COL24A1: variants seen among roughly 807,000 people sequenced by gnomAD.
The protein encoded by COL24A1 is collagen type XXIV alpha 1 chain.
In COL24A1, 224 loss-of-function variants were observed where a neutral mutation model predicts 253.9. The ratio of observed to expected loss-of-function variants is 0.88; its 90% CI spans 0.79 to 0.99. COL24A1 has a LOEUF of 0.99. COL24A1 is among the 50% of genes least tolerant of loss of function. The pLI, the probability that COL24A1 is intolerant of heterozygous loss-of-function variation, is 0.00. For missense variants in COL24A1, 2,131 were observed against 2,068.5 expected (o/e 1.03, Z -0.59); for synonymous variants, 685 against 673.7 (o/e 1.02, Z -0.26).
chr1:85,838,577 G>T lies in COL24A1; in HGVS notation c.3681+8C>A. ...AATTCATTAGTAAGGGGTATAACTT[G>T]CAATTACCTTATATCCCTCTGCTCC... On this transcript the variant is annotated splice_region_variant and intron_variant, in intron 43 of 59. Coordinates refer to ENST00000370571, the MANE Select transcript of COL24A1 (RefSeq NM_152890.7). 6.2e-7 allele frequency: 1 copy of T among 1,612,530 alleles called. No individual in the cohort carries two copies. The highest frequency in any genetic ancestry group is 8.5e-7 in the Non-Finnish European group (1 of 1,178,618).
intron 24 of COL24A1, among the ~76,000 whole-genome samples, chr1:85,944,760 CA>C (rs1689095606): frequency 1.3e-5 from 2 of 151,992 alleles, no homozygotes; most frequent in African/African-American, 4.8e-5. Context: ...TCCCCGACCC[CA>C]CAACAGTCCC....
chr1:85,920,210 G>A (rs1686310980), intron 24 of COL24A1, among the ~76,000 whole-genome samples: 1 of 152,194 alleles, frequency 6.6e-6, no homozygotes. Flanking sequence ...CTAACACAAA[G>A]GCAGAAGAGA....
intron 4 of COL24A1, 52 bp downstream of exon 4, chr1:86,115,273 T>C (rs775590292): frequency 1.3e-6 from 2 of 1,576,514 alleles, no homozygotes; most frequent in Non-Finnish European, 1.7e-6. Flanking sequence ...AAAAACATGT[T>C]AGAAAGTTAC....
chr1:86,033,761 T>G (rs1311423855), intron 13 of COL24A1, 109 bp downstream of exon 13: 1 of 1,015,752 alleles, frequency 9.8e-7, no homozygotes, highest in Non-Finnish European at 1.4e-6. Context: ...GTGGAGATTG[T>G]TTTTCCAATA....
At chr1:86,042,252 A>G (rs1157518557) in intron 12 of COL24A1, among the ~76,000 whole-genome samples, 1 of 152,198 alleles carries the variant, frequency 6.6e-6, no homozygotes, top group Non-Finnish European at 1.5e-5. Context: ...TGCCAACAGT[A>G]TAAGACCAAG....
At chr1:85,783,425 T>C in intron 51 of COL24A1, 71 bp downstream of exon 51, 1 of 1,257,834 alleles carries the variant, frequency 8.0e-7, no homozygotes, top group Non-Finnish European at 1.1e-6. Flanking sequence ...GTACATTACA[T>C]TTAGAGCTCT....
rs186774541 is a variant in COL24A1 at position 85,839,426 on chromosome 1, G to A, written c.3628-788C>T. On this transcript the variant is annotated intron_variant, in intron 42 of 59. Transcript: ENST00000370571. ...TAAATCCTACTTTACCATTCTTCAT[G>A]AGAAAGTCTACTGTTGGCTGGGTGT... is the stretch of plus-strand genomic sequence containing the variant. 1.4e-3 allele frequency among the ~76,000 whole-genome samples: 216 copies of A among 151,900 alleles called. 2 individuals are homozygous for A. Among genetic ancestry groups the A allele is most frequent in the African/African-American group, 4.8e-3 (197 of 41,436 alleles).
rs778866978 is a variant in COL24A1 at position 86,050,193 on chromosome 1, T to C, written c.1852-16A>G. ...CAATAAAACCCTTAAAACAAGAAAA[T>C]AGTCTGTATATTAGTTCATTTGAAT... On this transcript the variant is annotated splice_polypyrimidine_tract_variant and intron_variant, in intron 10 of 59. Transcript: ENST00000370571. 4 of 1,608,378 alleles carry C rather than the reference T, an allele frequency of 2.5e-6. No homozygotes were observed. Among genetic ancestry groups the C allele is most frequent in the South Asian group, 2.2e-5 (2 of 90,938 alleles).
intron 56 of COL24A1, among the ~76,000 whole-genome samples, chr1:85,745,105 TAG>T (rs561980052): frequency 4.7e-4 from 71 of 152,188 alleles, no homozygotes; most frequent in Admixed American, 1.5e-3. Context: ...ATTGAATCAT[TAG>T]AGTTTAAATA....
At chr1:85,741,661 G>A (rs1664657992) in intron 57 of COL24A1, among the ~76,000 whole-genome samples, 1 of 152,122 alleles carries the variant, frequency 6.6e-6, no homozygotes, top group Admixed American at 6.5e-5. Flanking sequence ...CAAATGTTGG[G>A]TTCACTTTCT....
At chr1:85,807,959 T>A (rs1449267707) in intron 47 of COL24A1, among the ~76,000 whole-genome samples, 1 of 152,202 alleles carries the variant, frequency 6.6e-6, no homozygotes, top group Non-Finnish European at 1.5e-5. Context: ...GGAGTTTTCA[T>A]CCAATTCCAT....
rs569964053 is a variant in COL24A1, at chr1:86,156,174, T to C, written c.56+167A>G. The C allele has an allele frequency of 6.0e-5, 36 of 597,914 alleles. 1 individual carries two copies. In the South Asian group the frequency reaches 7.9e-4, roughly 13 times the overall value. 37.0% of individuals were successfully genotyped at this position (597,914 alleles called of 1,614,324 possible). On this transcript the variant is annotated intron_variant, in intron 1 of 59. Coordinates refer to ENST00000370571, the MANE Select transcript of COL24A1 (RefSeq NM_152890.7). The stretch of plus-strand genomic sequence containing the variant: ...GAGGCATCCTTTCAAACACGGTATT[T>C]TGCAAGCTGAGAAGACAAGGGGAAG...
intron 19 of COL24A1, among the ~76,000 whole-genome samples, chr1:86,016,868 G>T (rs985118086): frequency 4.6e-5 from 7 of 152,134 alleles, no homozygotes; most frequent in Admixed American, 2.6e-4. Flanking sequence ...CTGAAATTTG[G>T]TTCCAAGCCT....
At chr1:85,895,941 T>A in intron 30 of COL24A1, 39 bp from the exon 31 acceptor site, 1 of 1,602,562 alleles carries the variant, frequency 6.2e-7, no homozygotes, top group Non-Finnish European at 8.5e-7. Flanking sequence ...AGTAGTCCCC[T>A]CCAAAAAGAT....
At chr1:86,084,590 A>G (rs890400697) in intron 7 of COL24A1, among the ~76,000 whole-genome samples, 1 of 152,238 alleles carries the variant, frequency 6.6e-6, no homozygotes, top group African/African-American at 2.4e-5. Context: ...AATTCTTGAA[A>G]TGATGCTAAA....
intron 47 of COL24A1, among the ~76,000 whole-genome samples, chr1:85,803,886 T>C (rs1671690547): frequency 6.6e-6 from 1 of 152,160 alleles, no homozygotes; most frequent in South Asian, 2.1e-4. Flanking sequence ...ACAACCTCAT[T>C]GAATTGACTA....
At chr1:85,903,453 G>A (rs892088755) in intron 28 of COL24A1, among the ~76,000 whole-genome samples, 4 of 152,076 alleles carry the variant, frequency 2.6e-5, no homozygotes, top group East Asian at 1.9e-4. Context: ...TAAGCTTTAC[G>A]ACAGGCTGTA....
intron 57 of COL24A1, among the ~76,000 whole-genome samples, chr1:85,738,779 T>A (rs1664319236): frequency 6.6e-6 from 1 of 152,166 alleles, no homozygotes; most frequent in South Asian, 2.1e-4. Context: ...CATCCTCAAA[T>A]ATTCTCCTCT....
chr1:86,079,845 AT>A (rs1702509962), intron 7 of COL24A1, among the ~76,000 whole-genome samples: 1 of 152,180 alleles, frequency 6.6e-6, no homozygotes, highest in South Asian at 2.1e-4. Flanking sequence ...TACAACCATT[AT>A]GGAAAACAGT....
Sources: allele counts gnomAD v4.1 joint callset (sites outside exome capture counted in the v4.1 genomes callset), GRCh38; gene constraint gnomAD v4.1.1; transcripts MANE v1.5; gene names NCBI Gene and HGNC (gene_info 2026-07-23, HGNC 2026-07-21).